The following RABGEF1 variants were observed in gnomAD, a reference collection of about 807,000 sequenced individuals.
RABGEF1 encodes rab5 GDP/GTP exchange factor.
A neutral mutation model predicts 57.3 loss-of-function variants in RABGEF1; 26 were observed. The observed-to-expected ratio is 0.45, with a 90% CI of 0.33 to 0.63. RABGEF1 has a LOEUF of 0.63. Ranked by LOEUF, RABGEF1 falls within the 20% of genes least tolerant of loss-of-function variation. RABGEF1 has a pLI of 0.02. For synonymous variants in RABGEF1, 185 were observed against 210.7 expected, an observed-to-expected ratio of 0.88 and a Z score of 1.06; for missense variants, 464 against 607.6, an observed-to-expected ratio of 0.76 and a Z score of 2.48.
chr7:66,682,010 G>T (rs1789790531), upstream of RABGEF1, among the ~76,000 whole-genome samples: 1 of 152,228 alleles, frequency 6.6e-6, no homozygotes, highest in African/African-American at 2.4e-5. Context: ...CCTACTCTGT[G>T]TAAGCCTTTG....
intron 1 of RABGEF1, among the ~76,000 whole-genome samples, chr7:66,767,828 T>C (rs2129101304): frequency 6.6e-6 from 1 of 152,298 alleles, no homozygotes; most frequent in African/African-American, 2.4e-5. Flanking sequence ...TAAATTTCTG[T>C]TTTTTATAAC....
chr7:66,766,629 CAA>C (rs1420107470), intron 1 of RABGEF1, among the ~76,000 whole-genome samples: 1 of 152,152 alleles, frequency 6.6e-6, no homozygotes, highest in Non-Finnish European at 1.5e-5. Flanking sequence ...CTCTCTCTGT[CAA>C]GTCTCATTAA....
chr7:66,778,459 T>C (rs1211215497), intron 3 of RABGEF1, among the ~76,000 whole-genome samples: 2 of 152,208 alleles, frequency 1.3e-5, no homozygotes, highest in Admixed American at 6.5e-5. Flanking sequence ...TCATAGTGGT[T>C]GACCAAGCTG....
At chr7:66,788,815 C>T (rs1205097343) in intron 4 of RABGEF1, among the ~76,000 whole-genome samples, 3 of 151,922 alleles carry the variant, frequency 2.0e-5, no homozygotes, top group African/African-American at 2.4e-5. Flanking sequence ...ATTAGCTGGG[C>T]GTGGTGGCGG....
chr7:66,799,490 A>T, intron 7 of RABGEF1, 76 bp downstream of exon 7: 1 of 1,192,670 alleles, frequency 8.4e-7, no homozygotes, highest in South Asian at 1.3e-5. Context: ...ATTCATCTAT[A>T]CATTTGTAAA....
chr7:66,745,868 G>A (rs1288797728), intron 1 of RABGEF1, among the ~76,000 whole-genome samples: 1 of 152,154 alleles, frequency 6.6e-6, no homozygotes, highest in Non-Finnish European at 1.5e-5. Context: ...GCCAAAGTGG[G>A]AGAATCGCTT....
rs776169482 is a variant in RABGEF1, at chr7:66,771,841, G to A, written c.-17-42G>A. On this transcript the variant is annotated intron_variant, in intron 1 of 8. Coordinates refer to ENST00000284957, the MANE Select transcript of RABGEF1 (RefSeq NM_014504.3). ...ATAATTGGTAAGATTTTATTTAGTA[G>A]AATGATAATTCATTTTCAACAGCAC... 6 of 1,320,624 alleles carry A rather than the reference G, an allele frequency of 4.5e-6. No homozygotes were observed. The South Asian group carries it at 1.2e-4, about 26-fold the overall frequency. 81.8% of individuals were successfully genotyped at this position (1,320,624 alleles called of 1,614,324 possible).
At chr7:66,741,862 G>A (rs1449432856) in intron 1 of RABGEF1, among the ~76,000 whole-genome samples, 4 of 152,086 alleles carry the variant, frequency 2.6e-5, no homozygotes, top group Admixed American at 1.3e-4. Flanking sequence ...TTCCGGCCGG[G>A]TGCGGTGGCT....
chr7:66,662,129 C>G, the RABGEF1 span, among the ~76,000 whole-genome samples: 1 of 152,042 alleles, frequency 6.6e-6, no homozygotes, highest in South Asian at 2.1e-4. Flanking sequence ...GTCCCAGCTA[C>G]TCAGGAGGCT....
At chr7:66,768,286 T>C (rs936363382) in intron 1 of RABGEF1, among the ~76,000 whole-genome samples, 1 of 152,204 alleles carries the variant, frequency 6.6e-6, no homozygotes, top group Non-Finnish European at 1.5e-5. Flanking sequence ...GACTGCACAG[T>C]ATGTAGCAAA....
intron 1 of RABGEF1, among the ~76,000 whole-genome samples, chr7:66,741,130 C>G (rs2279935): frequency 0.039 from 5,994 of 152,246 alleles, 166 homozygotes; most frequent in East Asian, 0.084. Context: ...GCTCCCCTCG[C>G]CCCGGCTCCC....
intron 1 of RABGEF1, among the ~76,000 whole-genome samples, chr7:66,699,001 A>G (rs1275329355): frequency 6.6e-6 from 1 of 152,198 alleles, no homozygotes; most frequent in Non-Finnish European, 1.5e-5. Context: ...CCCGTCCTTC[A>G]GTCCCACATG....
At chr7:66,750,265 A>T (rs572350959) in intron 1 of RABGEF1, among the ~76,000 whole-genome samples, 3 of 152,354 alleles carry the variant, frequency 2.0e-5, no homozygotes, top group Non-Finnish European at 4.4e-5. Flanking sequence ...GAGAAATTCA[A>T]TGGCAAAGTG....
At chr7:66,699,700 AAAAC>A (rs1468510657) in intron 1 of RABGEF1, among the ~76,000 whole-genome samples, 18 of 151,904 alleles carry the variant, frequency 1.2e-4, no homozygotes, top group African/African-American at 3.9e-4. Flanking sequence ...TCAAAAAAAA[AAAAC>A]AAAACTGGTG....
chr7:66,777,793 T>TA (rs764878927), intron 3 of RABGEF1, among the ~76,000 whole-genome samples: 2 of 152,064 alleles, frequency 1.3e-5, no homozygotes, highest in African/African-American at 2.4e-5. Context: ...ACACCAACAT[T>TA]AAAAAAATTA....
intron 2 of RABGEF1, among the ~76,000 whole-genome samples, chr7:66,720,847 A>C (rs1321392638): frequency 6.6e-6 from 1 of 152,222 alleles, no homozygotes; most frequent in African/African-American, 2.4e-5. Context: ...AGCAGAACCA[A>C]GTGTCAATTG....
In RABGEF1 at chr7:66,805,417, T is replaced by C. The variant is rs544133985; in HGVS notation, c.1077+21T>C. ...ATCTGGTGAGTAAGTGAGTTCTTGG[T>C]GTTGTGGAGAAGGACTAGGAAGGTG... On this transcript the variant is annotated intron_variant, in intron 8 of 8. Transcript: ENST00000284957. 318 of 1,612,218 alleles carry C rather than the reference T, an allele frequency of 2.0e-4. No individual in the cohort carries two copies. In the African/African-American group the frequency reaches 3.3e-3, roughly 17 times the overall value.
At chr7:66,701,356 G>C (rs1793230263) in intron 1 of RABGEF1, among the ~76,000 whole-genome samples, 1 of 152,120 alleles carries the variant, frequency 6.6e-6, no homozygotes, top group Admixed American at 6.6e-5. Context: ...TAAAAAATTA[G>C]CCAGGCATGG....
At chr7:66,804,909 A>G (rs935845335) in intron 7 of RABGEF1, among the ~76,000 whole-genome samples, 2 of 152,082 alleles carry the variant, frequency 1.3e-5, no homozygotes, top group Admixed American at 1.3e-4. Flanking sequence ...ATTGCATAAT[A>G]TGAGGATTAG....
Sources: gnomAD v4.1 joint callset for allele counts (sites outside exome capture counted in the v4.1 genomes callset) on GRCh38, gnomAD v4.1.1 for gene constraint, MANE v1.5 for transcripts, NCBI Gene and HGNC (gene_info 2026-07-23, HGNC 2026-07-21) for gene names.